ASB4: variants seen among roughly 807,000 people sequenced by gnomAD.
The protein encoded by ASB4 is ankyrin repeat and SOCS box containing 4.
ASB4 carries 35 observed loss-of-function variants against 38.6 expected under a neutral mutation model. The observed-to-expected ratio is 0.91, with a 90% CI of 0.69 to 1.20. The LOEUF is 1.20. ASB4 is among the 50% of genes most tolerant of loss of function. The pLI, the probability that ASB4 is intolerant of heterozygous loss-of-function variation, is 0.00. For missense variants in ASB4, 557 were observed against 527.2 expected (o/e 1.06, Z -0.55); for synonymous variants, 195 against 201.3 (o/e 0.97, Z 0.26).
At chr7:95,474,864 C>T (rs1007150538), upstream of ASB4, among the ~76,000 whole-genome samples, 1 of 152,048 alleles carries the variant, frequency 6.6e-6, no homozygotes. Context: ...ATGTTTTCAA[C>T]AGTAAAATGG....
chr7:95,515,252 C>CT (rs1491105335), intron 2 of ASB4, among the ~76,000 whole-genome samples: 1 of 52,744 alleles, frequency 1.9e-5, no homozygotes, highest in African/African-American at 7.0e-5. Flanking sequence ...TCTTTCTTTC[C>CT]TTCTTTCTTT....
chr7:95,478,851 G>A (rs1470909536), intron 1 of ASB4, among the ~76,000 whole-genome samples: 1 of 152,152 alleles, frequency 6.6e-6, no homozygotes, highest in Non-Finnish European at 1.5e-5. Flanking sequence ...AAACACACAT[G>A]CTCCCAGTAT....
intron 2 of ASB4, among the ~76,000 whole-genome samples, chr7:95,515,381 CTTTTCTTTT>C (rs1221781492): frequency 1.1e-5 from 1 of 93,250 alleles, no homozygotes; most frequent in East Asian, 2.8e-4. Flanking sequence ...TCTTTCTTTT[CTTTTCTTTT>C]TTTTCTTTTC....
intron 2 of ASB4, among the ~76,000 whole-genome samples, chr7:95,515,153 CTT>C: frequency 6.8e-6 from 1 of 147,136 alleles, no homozygotes; most frequent in South Asian, 2.2e-4. Context: ...GTTTTTCTTT[CTT>C]TCTTTCTCTT....
the ASB4 span, among the ~76,000 whole-genome samples, chr7:95,546,183 C>G: frequency 2.6e-5 from 4 of 152,170 alleles, no homozygotes; most frequent in Non-Finnish European, 4.4e-5. Flanking sequence ...TCCCACCCTG[C>G]TTGAATTCTA....
chr7:95,549,314 T>TTTTTTTTTTTTTTG, the ASB4 span, among the ~76,000 whole-genome samples: 1 of 147,592 alleles, frequency 6.8e-6, no homozygotes, highest in Admixed American at 6.7e-5. Flanking sequence ...TTTTTTTTTT[T>TTTTTTTTTTTTTTG]GAGATGGAGT....
chr7:95,514,631 G>C (rs2116621761), intron 2 of ASB4, among the ~76,000 whole-genome samples: 1 of 152,236 alleles, frequency 6.6e-6, no homozygotes, highest in East Asian at 1.9e-4. Context: ...TATTTGAAAA[G>C]ATAGTCTCAG....
chr7:95,506,994 T>G (rs910043986), intron 2 of ASB4, among the ~76,000 whole-genome samples: 6 of 152,168 alleles, frequency 3.9e-5, no homozygotes, highest in African/African-American at 2.4e-5. Context: ...TTTTCTAGGT[T>G]GTTTTTCTCT....
chr7:95,484,684 C>A (rs1003911981), upstream of ASB4, among the ~76,000 whole-genome samples: 1 of 151,996 alleles, frequency 6.6e-6, no homozygotes, highest in African/African-American at 2.4e-5. Context: ...AGAAAGTTTG[C>A]ACCAGTTTTG....
At position 95,533,382 on chromosome 7, in the gene ASB4, T is replaced by A. The variant is rs540860541; in HGVS notation, c.979-3055T>A. Among the ~76,000 whole-genome samples, 3 of 152,322 alleles carry A rather than the reference T, an allele frequency of 2.0e-5. No homozygotes were observed. In the East Asian group the frequency reaches 5.8e-4, roughly 29 times the overall value. The stretch of plus-strand genomic sequence containing the variant: ...CTTATTGGGCTTCTAACACTCTTCG[T>A]GCTGTGACACCAAGGGTCTTAAAGA... On this transcript the variant is annotated intron_variant, in intron 3 of 4. Transcript: ENST00000325885.
intron 1 of ASB4, among the ~76,000 whole-genome samples, chr7:95,491,372 G>A (rs1790168650): frequency 1.3e-5 from 2 of 152,160 alleles, no homozygotes; most frequent in Non-Finnish European, 2.9e-5. Context: ...GGAGGCAGCC[G>A]CTGCTTCACC....
chr7:95,475,244 ACACT>A (rs1789965696), upstream of ASB4, among the ~76,000 whole-genome samples: 2 of 152,154 alleles, frequency 1.3e-5, no homozygotes, highest in South Asian at 4.1e-4. Context: ...CATATACTAT[ACACT>A]CACTACACTA....
rs780623147 is a variant in ASB4, at chr7:95,539,971, C to T, written c.*2212C>T. 5 of 152,272 alleles carry T rather than the reference C, an allele frequency of 3.3e-5. No individual in the cohort carries two copies. Among genetic ancestry groups the T allele is most frequent in the Admixed American group, 6.5e-5 (1 of 15,300 alleles). 9.4% of individuals were successfully genotyped at this position (152,272 alleles called of 1,614,324 possible). ...TTGCTTGCTGCCCTGCATCTTAAGG[C>T]GTATTCTAGCAGCAAAGCTTGTGAT... On this transcript the variant is annotated 3_prime_UTR_variant, in exon 5 of 5. Transcript: ENST00000325885.
chr7:95,474,594 T>G (rs532636774), upstream of ASB4, among the ~76,000 whole-genome samples: 7 of 152,304 alleles, frequency 4.6e-5, no homozygotes, highest in South Asian at 1.5e-3. Flanking sequence ...CAATCACGGC[T>G]CACTGCAGCC....
chr7:95,545,841 C>T, the ASB4 span, among the ~76,000 whole-genome samples: 1 of 152,174 alleles, frequency 6.6e-6, no homozygotes, highest in African/African-American at 2.4e-5. Context: ...ATGTTTCTGC[C>T]CATCCCAGGC....
chr7:95,524,782 C>T (rs746041552), intron 2 of ASB4, among the ~76,000 whole-genome samples: 12 of 152,112 alleles, frequency 7.9e-5, no homozygotes, highest in Non-Finnish European at 1.3e-4. Flanking sequence ...CAAGTATAAT[C>T]GGGTCCCCAG....
intron 2 of ASB4, among the ~76,000 whole-genome samples, chr7:95,521,903 TG>T (rs961436945): frequency 6.6e-6 from 1 of 152,020 alleles, no homozygotes; most frequent in Non-Finnish European, 1.5e-5. Context: ...GAAAAAATTA[TG>T]GGAGAAAGAA....
At chr7:95,534,880 C>T (rs1249203162) in intron 3 of ASB4, among the ~76,000 whole-genome samples, 1 of 152,140 alleles carries the variant, frequency 6.6e-6, no homozygotes, top group East Asian at 1.9e-4. Flanking sequence ...CATCCCTTCT[C>T]GTTAAGAGTG....
intron 2 of ASB4, among the ~76,000 whole-genome samples, chr7:95,522,008 T>C (rs1281154275): frequency 1.3e-5 from 2 of 152,088 alleles, no homozygotes; most frequent in African/African-American, 4.8e-5. Context: ...AATATGGGTA[T>C]GGTGTACAGG....
Sources: gnomAD v4.1 joint callset for allele counts (sites outside exome capture counted in the v4.1 genomes callset) on GRCh38, gnomAD v4.1.1 for gene constraint, MANE v1.5 for transcripts, NCBI Gene and HGNC (gene_info 2026-07-23, HGNC 2026-07-21) for gene names.